PRELID2: variants seen among roughly 807,000 people sequenced by gnomAD.
PRELID2 encodes PRELI domain containing 2, also known as PRELI domain-containing protein 2.
A neutral mutation model predicts 28.4 loss-of-function variants in PRELID2; 25 were observed. The ratio of observed to expected loss-of-function variants is 0.88; its 90% confidence interval spans 0.64 to 1.23. The LOEUF (loss-of-function observed/expected upper bound fraction) is 1.23. PRELID2 is among the 50% of genes most tolerant of loss of function. PRELID2 has a pLI of 0.00. For missense variants in PRELID2, 201 were observed against 214.4 expected (o/e 0.94, Z 0.39); for synonymous variants, 76 against 71.6 (o/e 1.06, Z -0.31).
At chr5:145,340,885 C>A in the PRELID2 span, among the ~76,000 whole-genome samples, 1 of 150,854 alleles carries the variant, frequency 6.6e-6, no homozygotes, top group Non-Finnish European at 1.5e-5. Context: ...ACTGCCACCA[C>A]TAGGGCCCAA....
At chr5:145,802,395 T>G (rs758837643) in intron 4 of PRELID2, among the ~76,000 whole-genome samples, 1 of 152,208 alleles carries the variant, frequency 6.6e-6, no homozygotes, top group South Asian at 2.1e-4. Context: ...TATCTATTTT[T>G]TCTTCATTGA....
intron 1 of PRELID2, among the ~76,000 whole-genome samples, chr5:145,655,677 T>C (rs895136034): frequency 6.6e-6 from 1 of 152,204 alleles, no homozygotes; most frequent in Admixed American, 6.5e-5. Context: ...TAAATGGTGC[T>C]GGGAAAACTG....
At chr5:145,793,360 C>T (rs975552505) in intron 5 of PRELID2, among the ~76,000 whole-genome samples, 3 of 152,104 alleles carry the variant, frequency 2.0e-5, no homozygotes, top group African/African-American at 7.2e-5. Flanking sequence ...CACTACTAAA[C>T]AGACTCAGCA....
At chr5:145,337,686 AATATATATATATATATATATATATAT>A in the PRELID2 span, among the ~76,000 whole-genome samples, 1,321 of 79,912 alleles carry the variant, frequency 0.017, 59 homozygotes, top group African/African-American at 0.062. Context: ...GCATAGGGCA[AATATATATATATATATATATATATAT>A]ATATATATAT....
chr5:145,388,860 G>A, the PRELID2 span, among the ~76,000 whole-genome samples: 94,240 of 151,908 alleles, frequency 0.62, 29,533 homozygotes, highest in East Asian at 0.89. Flanking sequence ...TGATTTTTCC[G>A]TCAATATCAT....
chr5:145,702,503 A>T, intron 1 of PRELID2, among the ~76,000 whole-genome samples: 1 of 152,196 alleles, frequency 6.6e-6, no homozygotes, highest in East Asian at 1.9e-4. Flanking sequence ...TGCAAAATGC[A>T]TCAGGATGCT....
chr5:145,743,356 A>G (rs541101852), intron 1 of PRELID2, among the ~76,000 whole-genome samples: 31 of 146,268 alleles, frequency 2.1e-4, no homozygotes, highest in South Asian at 1.8e-3. Flanking sequence ...GGCTGCAGTG[A>G]GCTAAGATTG....
intron 1 of PRELID2, among the ~76,000 whole-genome samples, chr5:145,578,395 C>T (rs1444260523): frequency 2.0e-5 from 3 of 152,192 alleles, no homozygotes; most frequent in South Asian, 2.1e-4. Flanking sequence ...TGATTTGAGT[C>T]CCAGGCTGCC....
At chr5:145,560,579 T>C (rs1752917911) in intron 1 of PRELID2, among the ~76,000 whole-genome samples, 1 of 152,230 alleles carries the variant, frequency 6.6e-6, no homozygotes. Flanking sequence ...AACTTGCTTC[T>C]GCAAAGTCTG....
intron 4 of PRELID2, among the ~76,000 whole-genome samples, chr5:145,799,169 T>C (rs1337108635): frequency 1.3e-5 from 2 of 150,754 alleles, no homozygotes; most frequent in African/African-American, 4.9e-5. Context: ...AGTAGATTAC[T>C]TGGCAGAAAC....
rs148893744 is a variant in PRELID2 at position 145,628,752 on chromosome 5, T to G, written n.70+136179A>C. ...CTGTGGTTATTAACTGAGCATTTTATGGGCAGAAAATGGAAATCAAAGACA... is the reference window on the plus strand; with the variant it reads ...CTGTGGTTATTAACTGAGCATTTTAGGGGCAGAAAATGGAAATCAAAGACA... On this transcript the variant is annotated intron_variant and non_coding_transcript_variant, in intron 1 of 2. Transcript: ENST00000510259. Among the ~76,000 whole-genome samples, 65 of 152,296 alleles carry G rather than the reference T, an allele frequency of 4.3e-4. 1 individual carries two copies. The highest frequency in any genetic ancestry group is 1.5e-3 in the African/African-American group (63 of 41,576).
At chr5:145,336,011 C>A in the PRELID2 span, among the ~76,000 whole-genome samples, 1 of 152,208 alleles carries the variant, frequency 6.6e-6, no homozygotes, top group Non-Finnish European at 1.5e-5. Flanking sequence ...ATTTGCATTT[C>A]TCTGATGGCC....
the PRELID2 span, among the ~76,000 whole-genome samples, chr5:145,308,874 AT>A: frequency 6.6e-6 from 1 of 151,956 alleles, no homozygotes; most frequent in African/African-American, 2.4e-5. Context: ...TGCTATCAAC[AT>A]TTTTTTCTTT....
the PRELID2 span, among the ~76,000 whole-genome samples, chr5:145,356,333 T>C: frequency 6.6e-6 from 1 of 152,014 alleles, no homozygotes; most frequent in African/African-American, 2.4e-5. Flanking sequence ...TCAATACTTA[T>C]TTTAATATAA....
At chr5:145,682,008 A>G (rs1754945875) in intron 1 of PRELID2, among the ~76,000 whole-genome samples, 1 of 152,232 alleles carries the variant, frequency 6.6e-6, no homozygotes, top group Admixed American at 6.5e-5. Flanking sequence ...CAATAATTGC[A>G]TATTCATTAG....
chr5:145,466,844 C>T (rs1335367390), downstream of PRELID2, among the ~76,000 whole-genome samples: 2 of 152,068 alleles, frequency 1.3e-5, no homozygotes, highest in African/African-American at 2.4e-5. Context: ...CCACACTCAA[C>T]CTAGAACAAG....
intron 1 of PRELID2, among the ~76,000 whole-genome samples, chr5:145,523,831 T>C (rs1002435587): frequency 4.6e-5 from 7 of 152,172 alleles, no homozygotes; most frequent in Non-Finnish European, 7.4e-5. Flanking sequence ...TATTTAGGCA[T>C]ATGATAAATT....
intron 1 of PRELID2, among the ~76,000 whole-genome samples, chr5:145,748,395 T>A (rs1429145778): frequency 6.6e-6 from 1 of 151,974 alleles, no homozygotes; most frequent in African/African-American, 2.4e-5. Context: ...GAGAATAAAA[T>A]ACCTAGGAAT....
At chr5:145,481,636 AAAAAAAAAAAAAAAAAAGAAAG>A (rs985537149) in intron 1 of PRELID2, among the ~76,000 whole-genome samples, 1 of 145,874 alleles carries the variant, frequency 6.9e-6, no homozygotes, top group African/African-American at 2.5e-5. Flanking sequence ...AAAAAAAAAA[AAAAAAAAAAAAAAAAAAGAAAG>A]AAAGAAAGAA....
Sources: allele counts gnomAD v4.1 joint callset (sites outside exome capture counted in the v4.1 genomes callset), GRCh38; gene constraint gnomAD v4.1.1; transcripts MANE v1.5; gene names NCBI Gene and HGNC (gene_info 2026-07-23, HGNC 2026-07-21).